STK32B: variants seen among roughly 807,000 people sequenced by gnomAD.
The protein encoded by STK32B is serine/threonine kinase 32B, also known as serine/threonine-protein kinase 32B.
In STK32B, 43 loss-of-function variants were observed where a neutral mutation model predicts 52.6. The ratio of observed to expected loss-of-function variants is 0.82; its 90% CI spans 0.64 to 1.05. STK32B has a LOEUF of 1.05. Among genes scored for constraint, STK32B ranks in the 50% least tolerant of loss-of-function variants. STK32B has a pLI of 0.00. For synonymous variants in STK32B, 238 were observed against 204.3 expected (o/e 1.17, Z -1.41); for missense variants, 621 against 534.6 (o/e 1.16, Z -1.59).
At chr4:5,370,731 G>A (rs983390722) in intron 4 of STK32B, among the ~76,000 whole-genome samples, 17 of 152,106 alleles carry the variant, frequency 1.1e-4, no homozygotes, top group Admixed American at 5.9e-4. Flanking sequence ...AGTGGCTCAT[G>A]CCTGTAATCC....
intron 3 of STK32B, among the ~76,000 whole-genome samples, chr4:5,298,194 G>A (rs181668119): frequency 3.3e-5 from 5 of 152,256 alleles, no homozygotes; most frequent in African/African-American, 1.2e-4. Flanking sequence ...ATGTCAGCTG[G>A]AGCTCTCCTG....
chr4:5,228,799 T>G (rs1246975721), intron 3 of STK32B, among the ~76,000 whole-genome samples: 1 of 152,148 alleles, frequency 6.6e-6, no homozygotes, highest in African/African-American at 2.4e-5. Context: ...AAACCCTGTC[T>G]CTACTAAATA....
Position 5,249,273 on chromosome 4 carries a change from AG to A in STK32B, c.260+80824del, listed in dbSNP as rs560310274. ...CATCAGTTGCTATTACTCAAATATA[AG>A]ATATATATAGAACGGGGTTCAGAGA... On this transcript the variant is annotated intron_variant, in intron 3 of 11. Coordinates refer to ENST00000282908, the MANE Select transcript of STK32B (RefSeq NM_018401.3). Among the ~76,000 whole-genome samples, 60 of 152,268 alleles carry A rather than the reference AG, an allele frequency of 3.9e-4. 3 individuals carry two copies. In the South Asian group the frequency reaches 0.012, roughly 29 times the overall value.
intron 1 of STK32B, among the ~76,000 whole-genome samples, chr4:5,128,369 C>T (rs57174198): frequency 0.023 from 3,565 of 152,314 alleles, 135 homozygotes; most frequent in African/African-American, 0.08. Flanking sequence ...TATTGTCTCT[C>T]AAACATGTGT....
intron 3 of STK32B, among the ~76,000 whole-genome samples, chr4:5,328,133 GA>G (rs1731997856): frequency 6.6e-6 from 1 of 152,208 alleles, no homozygotes; most frequent in Non-Finnish European, 1.5e-5. Flanking sequence ...CCTTGCTCTG[GA>G]TTAGGATTTG....
At chr4:5,491,499 T>C (rs577805220) in intron 11 of STK32B, among the ~76,000 whole-genome samples, 1 of 152,170 alleles carries the variant, frequency 6.6e-6, no homozygotes, top group East Asian at 1.9e-4. Context: ...GATGAGTAGG[T>C]TGTGAAAATT....
chr4:5,037,939 C>T, the STK32B span, among the ~76,000 whole-genome samples: 462 of 152,186 alleles, frequency 3.0e-3, no homozygotes, highest in Admixed American at 4.5e-3. Flanking sequence ...ACTGAAGGGA[C>T]GGAAGGGGGA....
intron 2 of STK32B, among the ~76,000 whole-genome samples, chr4:5,144,337 C>T (rs1716740561): frequency 6.6e-6 from 1 of 152,222 alleles, no homozygotes; most frequent in Admixed American, 6.5e-5. Context: ...GAGTGTCTAG[C>T]ACAGAATCCA....
At chr4:5,418,993 G>A (rs1165295757) in intron 6 of STK32B, among the ~76,000 whole-genome samples, 1 of 152,094 alleles carries the variant, frequency 6.6e-6, no homozygotes, top group Admixed American at 6.6e-5. Flanking sequence ...TGAACACTAG[G>A]TTTTTGGGGA....
rs972967860 is a variant in STK32B at position 5,102,330 on chromosome 4, C to T, written c.53-37575C>T. Among the ~76,000 whole-genome samples, 16 of 152,258 alleles carry T rather than the reference C, an allele frequency of 1.1e-4. No homozygotes were observed. The South Asian group carries it at 1.2e-3, about 12-fold the overall frequency. ...GAACAAGCTCCTGCGTCTGCACCAC[C>T]GGAGGTGTTCAAACCAAGAGAGGGT... On this transcript the variant is annotated intron_variant, in intron 1 of 11. Coordinates refer to ENST00000282908, the MANE Select transcript of STK32B (RefSeq NM_018401.3).
intron 11 of STK32B, among the ~76,000 whole-genome samples, chr4:5,472,358 G>C (rs1265423450): frequency 6.6e-6 from 1 of 152,222 alleles, no homozygotes; most frequent in South Asian, 2.1e-4. Flanking sequence ...TCGAAACAGA[G>C]AACAAAATTA....
intron 3 of STK32B, among the ~76,000 whole-genome samples, chr4:5,285,736 G>A (rs912177104): frequency 1.3e-5 from 2 of 152,088 alleles, no homozygotes; most frequent in Admixed American, 1.3e-4. Context: ...AGATCAAATG[G>A]TAAGTAGCAC....
intron 1 of STK32B, among the ~76,000 whole-genome samples, chr4:5,084,425 A>G (rs569828538): frequency 1.3e-5 from 2 of 152,348 alleles, no homozygotes; most frequent in Admixed American, 1.3e-4. Flanking sequence ...TCAGTAAATT[A>G]TGATAATTCC....
intron 3 of STK32B, among the ~76,000 whole-genome samples, chr4:5,208,502 G>A (rs111447901): frequency 0.015 from 2,238 of 152,290 alleles, 62 homozygotes; most frequent in African/African-American, 0.051. Flanking sequence ...GTCATGAGAA[G>A]TTTTCTAACT....
intron 3 of STK32B, among the ~76,000 whole-genome samples, chr4:5,206,140 A>T (rs1722561886): frequency 6.6e-6 from 1 of 152,198 alleles, no homozygotes; most frequent in South Asian, 2.1e-4. Flanking sequence ...AGAAGTAGTT[A>T]TGGGTCATAG....
chr4:5,271,150 C>A (rs754785977), intron 3 of STK32B, among the ~76,000 whole-genome samples: 17 of 152,156 alleles, frequency 1.1e-4, no homozygotes, highest in South Asian at 4.1e-4. Flanking sequence ...GTTGGCCAAG[C>A]TGGTCTCAAA....
At chr4:5,119,620 G>A (rs371723926) in intron 1 of STK32B, among the ~76,000 whole-genome samples, 15 of 152,286 alleles carry the variant, frequency 9.8e-5, no homozygotes, top group African/African-American at 3.1e-4. Flanking sequence ...CTGAGCATAC[G>A]CTCAGCAATT....
chr4:5,329,981 A>G (rs1184737843), intron 3 of STK32B, among the ~76,000 whole-genome samples: 1 of 152,136 alleles, frequency 6.6e-6, no homozygotes, highest in Non-Finnish European at 1.5e-5. Context: ...CCAGGGCTGC[A>G]CACCCAGGAT....
intron 3 of STK32B, among the ~76,000 whole-genome samples, chr4:5,198,741 C>G (rs1001594222): frequency 3.9e-5 from 6 of 152,204 alleles, no homozygotes; most frequent in Admixed American, 1.3e-4. Flanking sequence ...GACGGCTAGA[C>G]TTGCACAAAG....
Sources: allele counts gnomAD v4.1 joint callset (sites outside exome capture counted in the v4.1 genomes callset), GRCh38; gene constraint gnomAD v4.1.1; transcripts MANE v1.5; gene names NCBI Gene and HGNC (gene_info 2026-07-23, HGNC 2026-07-21).